UGT1A7: variants seen among roughly 807,000 people sequenced by gnomAD.
UGT1A7 encodes UDP glucuronosyltransferase family 1 member A7.
UGT1A7 carries 33 observed loss-of-function variants against 45.6 expected under a neutral mutation model. The ratio of observed to expected loss-of-function variants is 0.72; its 90% CI spans 0.55 to 0.97. The LOEUF (loss-of-function observed/expected upper bound fraction) is 0.97. Among genes scored for constraint, UGT1A7 ranks in the 50% least tolerant of loss-of-function variants. UGT1A7 has a pLI of 0.00. For missense variants in UGT1A7, 684 were observed against 666.2 expected, an observed-to-expected ratio of 1.03 and a Z score of -0.29; for synonymous variants, 274 against 250.6, an observed-to-expected ratio of 1.09 and a Z score of -0.88.
chr2:233,743,576 A>T (rs1692358823), intron 1 of UGT1A7: 1 of 1,367,112 alleles, frequency 7.3e-7, no homozygotes, highest in Non-Finnish European at 9.8e-7. Flanking sequence ...GTTTCCCAAG[A>T]GGTCAAAGGA....
At chr2:233,731,565 G>A (rs1168065167) in intron 1 of UGT1A7, among the ~76,000 whole-genome samples, 1 of 152,192 alleles carries the variant, frequency 6.6e-6, no homozygotes, top group African/African-American at 2.4e-5. Context: ...ATAGTTTGCT[G>A]AGAATGATGG....
At chr2:233,748,802 C>G (rs1371204556) in intron 1 of UGT1A7, among the ~76,000 whole-genome samples, 1 of 151,284 alleles carries the variant, frequency 6.6e-6, no homozygotes, top group African/African-American at 2.5e-5. Context: ...CTGAAATTAT[C>G]AAGAAATTGT....
chr2:233,682,875 T>A, intron 1 of UGT1A7, 83 bp downstream of exon 1: 2 of 1,520,762 alleles, frequency 1.3e-6, no homozygotes, highest in Non-Finnish European at 1.8e-6. Context: ...AATTTATCAT[T>A]TACATTTGTC....
intron 1 of UGT1A7, among the ~76,000 whole-genome samples, chr2:233,736,159 G>C (rs1376053272): frequency 6.6e-6 from 1 of 152,194 alleles, no homozygotes; most frequent in Non-Finnish European, 1.5e-5. Context: ...GTCAAACGTA[G>C]ATTTGGTCTT....
At chr2:233,692,764 A>G (rs902623866) in intron 1 of UGT1A7, 2 of 1,237,922 alleles carry the variant, frequency 1.6e-6, no homozygotes, top group South Asian at 3.4e-5. Flanking sequence ...GGAGCTGAAG[A>G]GAAACACCCA....
intron 1 of UGT1A7, among the ~76,000 whole-genome samples, chr2:233,700,421 A>G (rs1338095372): frequency 6.6e-6 from 1 of 152,210 alleles, no homozygotes; most frequent in East Asian, 1.9e-4. Flanking sequence ...CTGTTAATAG[A>G]TAATTATCTA....
intron 1 of UGT1A7, chr2:233,708,654 G>A: frequency 6.6e-6 from 1 of 152,194 alleles, no homozygotes; most frequent in Non-Finnish European, 1.5e-5. Flanking sequence ...GGAAGGCTGA[G>A]GTGGGAGGAT....
intron 1 of UGT1A7, chr2:233,755,024 G>C (rs533329516): frequency 1.5e-6 from 2 of 1,306,520 alleles, no homozygotes; most frequent in Admixed American, 3.8e-5. Context: ...GGTCCTTGAA[G>C]GGCCTGCCGC....
intron 1 of UGT1A7, chr2:233,692,729 T>C (rs1309598477): frequency 3.2e-6 from 3 of 927,358 alleles, no homozygotes; most frequent in Non-Finnish European, 4.3e-6. Flanking sequence ...GCTATAACTT[T>C]TCAGAGAGGG....
chr2:233,747,504 C>T, intron 1 of UGT1A7: 2 of 1,608,416 alleles, frequency 1.2e-6, no homozygotes, highest in South Asian at 2.2e-5. Flanking sequence ...GGGCCACACT[C>T]AACTGTACTT....
rs1334751612 is a variant in UGT1A7, at chr2:233,749,282, GTAGT to G, written c.856-17749_856-17746del. Among the ~76,000 whole-genome samples the G allele has an allele frequency of 7.2e-5, 11 of 151,846 alleles. 1 individual carries two copies. Among genetic ancestry groups the G allele is most frequent in the African/African-American group, 1.7e-4 (7 of 41,140 alleles). On this transcript the variant is annotated intron_variant, in intron 1 of 4. Coordinates refer to ENST00000373426, the MANE Select transcript of UGT1A7 (RefSeq NM_019077.3). ...TTGGTGATTTTCTCCCTTATGCAGT[GTAGT>G]TATTCAATTATAAAATATGTGTTTA...
chr2:233,739,629 T>G (rs1457443905), intron 1 of UGT1A7, among the ~76,000 whole-genome samples: 1 of 152,190 alleles, frequency 6.6e-6, no homozygotes, highest in Non-Finnish European at 1.5e-5. Flanking sequence ...CCATTTGAAA[T>G]GGGAACATTT....
intron 1 of UGT1A7, chr2:233,693,494 G>A (rs1459595620): frequency 6.2e-7 from 1 of 1,614,090 alleles, no homozygotes; most frequent in East Asian, 2.2e-5. Flanking sequence ...TGAGTATTTG[G>A]GCCTACCATC....
chr2:233,747,207 T>A, intron 1 of UGT1A7: 1 of 1,605,232 alleles, frequency 6.2e-7, no homozygotes, highest in Non-Finnish European at 8.5e-7. Context: ...CCGTGTCTTC[T>A]GCTGAGATGG....
At chr2:233,758,825 CA>C (rs1386415381) in intron 1 of UGT1A7, among the ~76,000 whole-genome samples, 2 of 152,114 alleles carry the variant, frequency 1.3e-5, no homozygotes, top group Non-Finnish European at 2.9e-5. Flanking sequence ...ATATCCCCCC[CA>C]AAAAGAGTGT....
chr2:233,682,734 T>C lies in UGT1A7; in HGVS notation c.797T>C (p.Met266Thr). ...DFVLEYPKPV[M>T]PNMIFIGGIN... ...GTTTTGGAGTATCCCAAACCCGTGA[T>C]GCCCAATATGATCTTCATTGGTGGT... The change falls in exon 1 of 5, where the codon ATG (methionine) becomes ACG (threonine). Residue 266 changes from methionine to threonine, a missense_variant. Transcript: ENST00000373426. 6.2e-7 allele frequency: 1 copy of C among 1,613,986 alleles called. No individual in the cohort carries two copies. Among genetic ancestry groups the C allele is most frequent in the Non-Finnish European group, 8.5e-7 (1 of 1,179,852 alleles).
At chr2:233,765,895 T>C (rs988320482) in intron 1 of UGT1A7, among the ~76,000 whole-genome samples, 1 of 152,066 alleles carries the variant, frequency 6.6e-6, no homozygotes, top group Non-Finnish European at 1.5e-5. Flanking sequence ...AGTGCGCCAC[T>C]GCTCAAACCT....
chr2:233,698,130 G>A (rs1470360029), intron 1 of UGT1A7, among the ~76,000 whole-genome samples: 1 of 152,166 alleles, frequency 6.6e-6, no homozygotes, highest in East Asian at 1.9e-4. Flanking sequence ...GACCTTGTTT[G>A]TGTCTCAACT....
chr2:233,682,752 T>C lies in UGT1A7; in HGVS notation c.815T>C (p.Ile272Thr), dbSNP rs369493706. Residue 272 changes from isoleucine to threonine, a missense_variant, in exon 1 of 5, where the codon ATT becomes ACT. By Grantham distance (89) the Ile-to-Thr change is moderately conservative. Coordinates refer to ENST00000373426, the MANE Select transcript of UGT1A7 (RefSeq NM_019077.3). ...CCCGTGATGCCCAATATGATCTTCATTGGTGGTATCAACTGTCATCAGGGA... is the reference window on the plus strand; with the variant it reads ...CCCGTGATGCCCAATATGATCTTCACTGGTGGTATCAACTGTCATCAGGGA... ...PKPVMPNMIF[I>T]GGINCHQGKP... 65 of 1,613,820 alleles carry C rather than the reference T, an allele frequency of 4.0e-5. No individual in the cohort carries two copies. Among genetic ancestry groups the C allele is most frequent in the Middle Eastern group, 3.3e-4 (2 of 6,074 alleles).
Sources: gnomAD v4.1 joint callset for allele counts (sites outside exome capture counted in the v4.1 genomes callset) on GRCh38, gnomAD v4.1.1 for gene constraint, MANE v1.5 for transcripts, NCBI Gene and HGNC (gene_info 2026-07-23, HGNC 2026-07-21) for gene names.